C1QTNF3: variants seen among roughly 807,000 people sequenced by gnomAD.
The protein encoded by C1QTNF3 is C1q and TNF related 3, also known as complement C1q tumor necrosis factor-related protein 3.
A neutral mutation model predicts 32.6 loss-of-function variants in C1QTNF3; 26 were observed. The observed-to-expected ratio is 0.80, with a 90% CI of 0.58 to 1.11. C1QTNF3 has a LOEUF of 1.11. Ranked by LOEUF, C1QTNF3 falls within the 50% of genes least tolerant of loss-of-function variation. The probability of loss-of-function intolerance (pLI) is 0.00; values close to 1 mark genes in which losing one functional copy is unlikely to be tolerated. For synonymous variants in C1QTNF3, 155 were observed against 146.0 expected (o/e 1.06, Z -0.44); for missense variants, 362 against 398.2 (o/e 0.91, Z 0.77).
At chr5:34,172,480 GA>G in the C1QTNF3 span, among the ~76,000 whole-genome samples, 1 of 152,004 alleles carries the variant, frequency 6.6e-6, no homozygotes, top group South Asian at 2.1e-4. Flanking sequence ...TCTTTATTCT[GA>G]AGTTCTCAAA....
chr5:34,076,876 G>A, the C1QTNF3 span, among the ~76,000 whole-genome samples: 3 of 151,472 alleles, frequency 2.0e-5, no homozygotes, highest in Non-Finnish European at 4.4e-5. Flanking sequence ...CAGGTTACGA[G>A]CTAGTCAGTG....
chr5:34,140,777 T>G, the C1QTNF3 span, among the ~76,000 whole-genome samples: 1 of 152,252 alleles, frequency 6.6e-6, no homozygotes, highest in East Asian at 1.9e-4. Flanking sequence ...TACACACACA[T>G]GCTTTCAACT....
At chr5:34,124,925 C>T in the C1QTNF3 span, among the ~76,000 whole-genome samples, 9 of 152,116 alleles carry the variant, frequency 5.9e-5, no homozygotes, top group Non-Finnish European at 8.8e-5. Context: ...ATCTCCTATA[C>T]GCCACTCTCA....
the C1QTNF3 span, among the ~76,000 whole-genome samples, chr5:34,091,408 C>T: frequency 6.6e-6 from 1 of 152,238 alleles, no homozygotes; most frequent in Non-Finnish European, 1.5e-5. Flanking sequence ...TTTGCCTGGA[C>T]CACCACCACT....
Position 34,020,481 on chromosome 5 carries a change from G to T in C1QTNF3, c.*102C>A. The T allele has an allele frequency of 1.5e-6, 2 of 1,369,430 alleles. No homozygotes were observed. Among genetic ancestry groups the T allele is most frequent in the African/African-American group, 1.4e-5 (1 of 68,984 alleles). 84.8% of individuals were successfully genotyped at this position (1,369,430 alleles called of 1,614,324 possible). On this transcript the variant is annotated 3_prime_UTR_variant, in exon 6 of 6. Coordinates refer to ENST00000382065, the MANE Select transcript of C1QTNF3 (RefSeq NM_181435.6). Reference sequence around the variant, plus strand: ...ACAACATTGCAACCAATAATTTTTTGAATACAGCAATGTAAAACCCTCAAC... The same window carrying T: ...ACAACATTGCAACCAATAATTTTTTTAATACAGCAATGTAAAACCCTCAAC...
the C1QTNF3 span, among the ~76,000 whole-genome samples, chr5:34,091,021 G>C: frequency 6.6e-6 from 1 of 152,174 alleles, no homozygotes; most frequent in South Asian, 2.1e-4. Context: ...CCAGATCCTT[G>C]GTATTTGTAG....
chr5:34,054,720 A>G, the C1QTNF3 span, among the ~76,000 whole-genome samples: 887 of 151,506 alleles, frequency 5.9e-3, 5 homozygotes, highest in Middle Eastern at 0.017. Flanking sequence ...TAAAAGGGCA[A>G]TAAGTGGTGA....
chr5:34,036,914 T>C (rs1481371664), intron 1 of C1QTNF3, among the ~76,000 whole-genome samples: 2 of 152,002 alleles, frequency 1.3e-5, no homozygotes, highest in African/African-American at 4.8e-5. Context: ...ATAGCACCAT[T>C]GTACTCCAGC....
At chr5:34,066,769 T>C in the C1QTNF3 span, among the ~76,000 whole-genome samples, 2 of 152,220 alleles carry the variant, frequency 1.3e-5, no homozygotes, top group Non-Finnish European at 2.9e-5. Context: ...GAGACATTTT[T>C]CCCATATTCT....
the C1QTNF3 span, among the ~76,000 whole-genome samples, chr5:34,216,924 T>C: frequency 1.3e-5 from 2 of 152,052 alleles, no homozygotes; most frequent in African/African-American, 4.8e-5. Context: ...ATAAGAAAAA[T>C]CTGCAAATAA....
At chr5:34,132,435 GTATATATA>G in the C1QTNF3 span, among the ~76,000 whole-genome samples, 311 of 137,734 alleles carry the variant, frequency 2.3e-3, 6 homozygotes, top group African/African-American at 8.4e-3. Context: ...GTATGTGTAT[GTATATATA>G]TATATATATA....
At chr5:34,060,695 A>G in the C1QTNF3 span, among the ~76,000 whole-genome samples, 1 of 152,174 alleles carries the variant, frequency 6.6e-6, no homozygotes, top group South Asian at 2.1e-4. Flanking sequence ...TTCCATTTTT[A>G]AAACTGTCAG....
At chr5:34,115,344 T>G in the C1QTNF3 span, among the ~76,000 whole-genome samples, 1 of 152,180 alleles carries the variant, frequency 6.6e-6, no homozygotes, top group Non-Finnish European at 1.5e-5. Context: ...ATATGCTTGG[T>G]GAGAGACACA....
At chr5:34,136,999 G>A in the C1QTNF3 span, among the ~76,000 whole-genome samples, 1 of 151,836 alleles carries the variant, frequency 6.6e-6, no homozygotes. Context: ...TCCTGTTGGG[G>A]GGTGGGGGCC....
At chr5:34,064,679 C>T in the C1QTNF3 span, among the ~76,000 whole-genome samples, 8 of 152,144 alleles carry the variant, frequency 5.3e-5, no homozygotes, top group African/African-American at 1.7e-4. Flanking sequence ...CGGCGGCAAA[C>T]AGCAGTGGTG....
the C1QTNF3 span, among the ~76,000 whole-genome samples, chr5:34,150,315 A>C: frequency 1.9e-5 from 2 of 104,958 alleles, no homozygotes; most frequent in Non-Finnish European, 3.8e-5. Context: ...GAAAGTCAAC[A>C]AGGATACCCA....
the C1QTNF3 span, among the ~76,000 whole-genome samples, chr5:34,083,849 A>T: frequency 6.6e-6 from 1 of 151,910 alleles, no homozygotes; most frequent in Non-Finnish European, 1.5e-5. Flanking sequence ...TACATGTTAC[A>T]ATACAGATGA....
At chr5:34,237,967 T>C in the C1QTNF3 span, among the ~76,000 whole-genome samples, 1 of 152,226 alleles carries the variant, frequency 6.6e-6, no homozygotes, top group Non-Finnish European at 1.5e-5. Context: ...GGCTAGCCAC[T>C]GGCCATCACT....
chr5:34,031,961 A>G (rs10035317), intron 3 of C1QTNF3, among the ~76,000 whole-genome samples: 9,279 of 152,310 alleles, frequency 0.061, 461 homozygotes, highest in African/African-American at 0.12. Context: ...AACCACCACC[A>G]TACACGCACA....
Sources: gnomAD v4.1 joint callset for allele counts (sites outside exome capture counted in the v4.1 genomes callset) on GRCh38, gnomAD v4.1.1 for gene constraint, MANE v1.5 for transcripts, NCBI Gene and HGNC (gene_info 2026-07-23, HGNC 2026-07-21) for gene names.